ABCA8: variants seen among roughly 807,000 people sequenced by gnomAD.
The protein encoded by ABCA8 is ATP binding cassette subfamily A member 8.
Under a neutral mutation model 192.3 loss-of-function variants are expected in ABCA8, and 177 were observed. The observed-to-expected ratio is 0.92, with a 90% CI of 0.81 to 1.04. The LOEUF (loss-of-function observed/expected upper bound fraction) is 1.04, where lower values mean the gene tolerates loss of function less well. ABCA8 is among the 50% of genes least tolerant of loss of function. The probability of loss-of-function intolerance (pLI) is 0.00; values close to 1 mark genes in which losing one functional copy is unlikely to be tolerated. For missense variants in ABCA8, 1,915 were observed against 1,904.8 expected, an observed-to-expected ratio of 1.01 and a Z score of -0.10; for synonymous variants, 642 against 690.2, an observed-to-expected ratio of 0.93 and a Z score of 1.09.
intron 26 of ABCA8, 31 bp downstream of exon 26, chr17:68,886,986 T>C (rs1377419111): frequency 6.9e-7 from 1 of 1,447,568 alleles, no homozygotes; most frequent in Non-Finnish European, 9.7e-7. Flanking sequence ...ATCAAATATA[T>C]ACAGTATACA....
intron 21 of ABCA8, among the ~76,000 whole-genome samples, chr17:68,901,130 C>A (rs1415787429): frequency 6.6e-6 from 1 of 151,966 alleles, no homozygotes; most frequent in East Asian, 1.9e-4. Context: ...TAAAAATGTT[C>A]ACTTCTCTGA....
In ABCA8 at chr17:68,868,024, A is replaced by G; in HGVS notation, c.*61T>C. ...TTTCTAAAAATAGAACATTGCTGCT[A>G]TAAAAATAAATGTATTTAAAAAAAA... On this transcript the variant is annotated 3_prime_UTR_variant, in exon 40 of 40. Transcript: ENST00000586539. 1 of 1,176,970 alleles carries G rather than the reference A, an allele frequency of 8.5e-7. No homozygotes were observed. Among genetic ancestry groups the G allele is most frequent in the Non-Finnish European group, 1.2e-6 (1 of 830,526 alleles). The allele number at this position is 1,176,970 out of a possible 1,614,324, so 72.9% of individuals were successfully genotyped here.
At chr17:68,919,653 A>T (rs1471867593) in intron 13 of ABCA8, 177 bp from the exon 14 acceptor site, 1 of 566,128 alleles carries the variant, frequency 1.8e-6, no homozygotes, top group Non-Finnish European at 3.0e-6. Context: ...AGCTTTTCCC[A>T]TCAAGGTGTA....
Position 68,918,155 on chromosome 17 carries a change from A to G in ABCA8, c.1939T>C (p.Leu647=), listed in dbSNP as rs138633652. Residue 647 remains leucine, a synonymous_variant, in exon 16 of 40, where the codon TTG becomes CTG. Transcript: ENST00000586539. ...ACTTGGTGTCTTGAAAAGGGATCCAATCCAGCAGTTGGTTCATCCAACAGG... is the reference window on the plus strand; with the variant it reads ...ACTTGGTGTCTTGAAAAGGGATCCAGTCCAGCAGTTGGTTCATCCAACAGG... The part of the protein sequence containing the change: ...IFLLDEPTAG[L]DPFSRHQVWN... 4 of 1,614,060 alleles carry G rather than the reference A, an allele frequency of 2.5e-6. No homozygotes were observed. In the African/African-American group the frequency reaches 4.0e-5, roughly 16 times the overall value.
intron 12 of ABCA8, among the ~76,000 whole-genome samples, chr17:68,922,010 A>G (rs2067544850): frequency 6.6e-6 from 1 of 152,028 alleles, no homozygotes; most frequent in African/African-American, 2.4e-5. Flanking sequence ...ATCTATTTCT[A>G]AAACATATTC....
chr17:68,908,739 T>C (rs73998576), intron 17 of ABCA8, among the ~76,000 whole-genome samples: 1 of 152,200 alleles, frequency 6.6e-6, no homozygotes, highest in Non-Finnish European at 1.5e-5. Context: ...ATTGAGGTTA[T>C]AAATTATACA....
rs779870675 is a variant in ABCA8 at position 68,877,706 on chromosome 17, C to T, written c.4039-27G>A. On this transcript the variant is annotated intron_variant, in intron 32 of 39. Transcript: ENST00000586539. ...TGCAGATGAAAGTTCCCTCTCAGAA[C>T]CTACCTTCTGCACTGCTTCTTTGAG... 5 of 1,598,634 alleles carry T rather than the reference C, an allele frequency of 3.1e-6. No individual in the cohort carries two copies. The South Asian group carries it at 5.7e-5, about 18-fold the overall frequency.
Position 68,903,318 on chromosome 17 carries a change from T to G in ABCA8, c.2580A>C (p.Arg860Ser). The change falls in exon 20 of 40, where the codon AGA becomes AGC. Residue 860 changes from arginine (R) to serine (S), a missense_variant. Coordinates refer to ENST00000586539, the MANE Select transcript of ABCA8 (RefSeq NM_001288985.2). ...ATACTTACAGTGCTAAAAGAGCTTT[T>G]CTTTCATGCTTTAACTTTAACAAGC... ...RVRLLKLKHE[R>S]KALLALLLIL... is the part of the protein sequence containing the mutation. 6.2e-7 allele frequency: 1 copy of G among 1,614,210 alleles called. No individual in the cohort carries two copies. The highest frequency in any genetic ancestry group is 8.5e-7 in the Non-Finnish European group (1 of 1,180,040).
intron 11 of ABCA8, 118 bp downstream of exon 11, chr17:68,924,583 C>T: frequency 9.2e-7 from 1 of 1,083,774 alleles, no homozygotes; most frequent in Non-Finnish European, 1.3e-6. Flanking sequence ...ACAGAAGCAG[C>T]ATAGGTGAGG....
chr17:68,874,957 C>A (rs1401356402), intron 37 of ABCA8, among the ~76,000 whole-genome samples: 7 of 152,180 alleles, frequency 4.6e-5, no homozygotes, highest in Admixed American at 4.6e-4. Flanking sequence ...ACGAAGGATA[C>A]TCACAACGCT....
chr17:68,875,429 G>GAAA, intron 36 of ABCA8, 29 bp from the exon 37 acceptor site: 3 of 1,470,766 alleles, frequency 2.0e-6, no homozygotes, highest in Admixed American at 2.0e-5. Flanking sequence ...TGAGAAAGGA[G>GAAA]AAAAAAAAAA....
Position 68,928,910 on chromosome 17 carries a change from T to C in ABCA8, c.1125+139A>G, listed in dbSNP as rs928834515. ...ATAATTTCCAAGCTTTTAAAAGTTC[T>C]GTCTTTGCAACTTTACAACAGCCTT... On this transcript the variant is annotated intron_variant, in intron 9 of 39. Coordinates refer to ENST00000586539, the MANE Select transcript of ABCA8 (RefSeq NM_001288985.2). 5 of 676,134 alleles carry C rather than the reference T, an allele frequency of 7.4e-6. No individual in the cohort carries two copies. The African/African-American group carries it at 9.4e-5, about 13-fold the overall frequency. 41.9% of individuals were successfully genotyped at this position (676,134 alleles called of 1,614,324 possible).
intron 5 of ABCA8, 114 bp downstream of exon 5, chr17:68,936,837 C>T: frequency 1.1e-6 from 1 of 918,538 alleles, no homozygotes; most frequent in Non-Finnish European, 1.5e-6. Flanking sequence ...GACATGCATA[C>T]ATCATTATGA....
intron 24 of ABCA8, among the ~76,000 whole-genome samples, chr17:68,887,945 T>A (rs867844986): frequency 1.8e-3 from 80 of 44,108 alleles, no homozygotes; most frequent in African/African-American, 7.3e-3. Context: ...ATATATATAT[T>A]ATATATATGG....
rs1207404440 is a variant in ABCA8, at chr17:68,884,401, A to C, written c.3550-5T>G. On this transcript the variant is annotated splice_region_variant and splice_polypyrimidine_tract_variant and intron_variant, in intron 27 of 39. Coordinates refer to ENST00000586539, the MANE Select transcript of ABCA8 (RefSeq NM_001288985.2). ...AAAGAGAGAAGAAAAGAGAAGCTGCAAAAGAAAAGACAATTGCTAAACAGG... is the reference window on the plus strand; with the variant it reads ...AAAGAGAGAAGAAAAGAGAAGCTGCCAAAGAAAAGACAATTGCTAAACAGG... The C allele has an allele frequency of 6.3e-7, 1 of 1,583,632 alleles. No homozygotes were observed. Among genetic ancestry groups the C allele is most frequent in the Admixed American group, 1.9e-5 (1 of 51,946 alleles).
At chr17:68,934,979 G>A (rs4968977) in intron 5 of ABCA8, among the ~76,000 whole-genome samples, 93,109 of 150,980 alleles carry the variant, frequency 0.62, 29,814 homozygotes, top group African/African-American at 0.8. Context: ...ATGTCCTTTT[G>A]TTATTTTTCT....
chr17:68,923,024 G>A (rs2067588061), intron 11 of ABCA8, among the ~76,000 whole-genome samples: 1 of 152,076 alleles, frequency 6.6e-6, no homozygotes, highest in Non-Finnish European at 1.5e-5. Flanking sequence ...ATTAACTTAT[G>A]CTTAGTACTA....
At position 68,919,408 on chromosome 17, in the gene ABCA8, C is replaced by T. The variant is rs552291569; in HGVS notation, c.1681G>A (p.Gly561Arg). Residue 561 changes from glycine to arginine, a missense_variant, in exon 14 of 40, where the codon GGA (glycine) becomes AGA (arginine). Coordinates refer to ENST00000586539, the MANE Select transcript of ABCA8 (RefSeq NM_001288985.2). ...TGCACATTGGATTGTGGACAAACTCCGGTCAGCTTGCTGAGATTTTCTAGG... is the reference window on the plus strand; with the variant it reads ...TGCACATTGGATTGTGGACAAACTCTGGTCAGCTTGCTGAGATTTTCTAGG... ...ADLENLSKLT[G>R]VCPQSNVQFD... The T allele has an allele frequency of 2.4e-4, 388 of 1,613,926 alleles. 7 individuals carry two copies. In the South Asian group the frequency reaches 3.7e-3, roughly 16 times the overall value.
intron 37 of ABCA8, among the ~76,000 whole-genome samples, chr17:68,872,403 G>A (rs1414330235): frequency 7.4e-6 from 1 of 134,432 alleles, no homozygotes; most frequent in African/African-American, 2.8e-5. Flanking sequence ...ACAGGAAGGG[G>A]AATATCACAC....
Sources: gnomAD v4.1 joint callset for allele counts (sites outside exome capture counted in the v4.1 genomes callset) on GRCh38, gnomAD v4.1.1 for gene constraint, MANE v1.5 for transcripts, NCBI Gene and HGNC (gene_info 2026-07-23, HGNC 2026-07-21) for gene names.